Variants in ZNF248 observed in about 807,000 individuals in gnomAD.
ZNF248 encodes the protein KRAB protein domain.
A neutral mutation model predicts 44.3 loss-of-function variants in ZNF248; 20 were observed. That is an observed-to-expected ratio of 0.45 (90% CI 0.32 to 0.66). The LOEUF is 0.66. ZNF248 is among the 30% of genes least tolerant of loss of function. The pLI, the probability that ZNF248 is intolerant of heterozygous loss-of-function variation, is 0.04. For missense variants in ZNF248, 654 were observed against 677.0 expected, an observed-to-expected ratio of 0.97 and a Z score of 0.38; for synonymous variants, 224 against 229.0, an observed-to-expected ratio of 0.98 and a Z score of 0.20.
At chr10:37,801,000 G>C (rs1372335156) in intron 6 of ZNF248, among the ~76,000 whole-genome samples, 2 of 151,966 alleles carry the variant, frequency 1.3e-5, no homozygotes, top group East Asian at 2.0e-4. Flanking sequence ...AACCTCAGGT[G>C]ATCTGCCTGC....
intron 6 of ZNF248, among the ~76,000 whole-genome samples, chr10:37,797,408 G>A (rs904918911): frequency 6.6e-6 from 1 of 152,028 alleles, no homozygotes; most frequent in African/African-American, 2.4e-5. Flanking sequence ...TGGTTTCTTA[G>A]ATATGACACC....
At position 37,829,158 on chromosome 10, in the gene ZNF248, T is replaced by C. The variant is rs1238264501; in HGVS notation, c.*2457A>G. On this transcript the variant is annotated 3_prime_UTR_variant, in exon 6 of 6. Coordinates refer to ENST00000395867, the MANE Select transcript of ZNF248 (RefSeq NM_021045.3). ...TCTCCAAAGAGAGACACCAGCAATT[T>C]GGCACCACAGTTCTGGTAGTAATGA... is the stretch of plus-strand genomic sequence containing the variant. The C allele has an allele frequency of 1.0e-6, 1 of 985,350 alleles. No homozygotes were observed. Among genetic ancestry groups the C allele is most frequent in the African/African-American group, 1.7e-5 (1 of 57,246 alleles). The allele number at this position is 985,350 out of a possible 1,614,324, so 61.0% of individuals were successfully genotyped here.
the ZNF248 span, among the ~76,000 whole-genome samples, chr10:37,765,573 T>C: frequency 6.6e-6 from 1 of 152,218 alleles, no homozygotes; most frequent in Non-Finnish European, 1.5e-5. Context: ...TGTAACTGCA[T>C]AAAATACAAA....
At chr10:37,840,366 CA>C (rs2058114817) in intron 3 of ZNF248, among the ~76,000 whole-genome samples, 1 of 152,068 alleles carries the variant, frequency 6.6e-6, no homozygotes, top group Non-Finnish European at 1.5e-5. Context: ...GAAAAATAGG[CA>C]AAAGATCTGA....
chr10:37,758,789 C>T, the ZNF248 span, among the ~76,000 whole-genome samples: 6 of 152,148 alleles, frequency 3.9e-5, no homozygotes, highest in Non-Finnish European at 1.5e-5. Context: ...TTCATTCTTA[C>T]TTGATATTTC....
At chr10:37,775,012 C>A (rs2046468557), downstream of ZNF248, among the ~76,000 whole-genome samples, 1 of 152,050 alleles carries the variant, frequency 6.6e-6, no homozygotes, top group Non-Finnish European at 1.5e-5. Flanking sequence ...TCAAATGATC[C>A]ATCCACCTCA....
At chr10:37,785,708 C>T (rs1172483094) in intron 6 of ZNF248, among the ~76,000 whole-genome samples, 1 of 152,102 alleles carries the variant, frequency 6.6e-6, no homozygotes, top group East Asian at 1.9e-4. Flanking sequence ...CAGGAATGTC[C>T]CTGAAAGATG....
At chr10:37,801,545 A>G (rs2049836907) in intron 6 of ZNF248, among the ~76,000 whole-genome samples, 1 of 152,200 alleles carries the variant, frequency 6.6e-6, no homozygotes, top group African/African-American at 2.4e-5. Flanking sequence ...TATAATACAC[A>G]TAGAATTATT....
At chr10:37,841,096 G>A (rs2058260756) in intron 3 of ZNF248, among the ~76,000 whole-genome samples, 1 of 152,150 alleles carries the variant, frequency 6.6e-6, no homozygotes, top group Non-Finnish European at 1.5e-5. Flanking sequence ...TGTCATAGAT[G>A]AAAAGGCATA....
intron 6 of ZNF248, among the ~76,000 whole-genome samples, chr10:37,789,877 A>C (rs1370781782): frequency 6.6e-6 from 1 of 152,212 alleles, no homozygotes; most frequent in African/African-American, 2.4e-5. Flanking sequence ...TAGTTTACTA[A>C]GAACACCTGA....
intron 6 of ZNF248, among the ~76,000 whole-genome samples, chr10:37,792,088 T>C (rs971372811): frequency 1.3e-5 from 2 of 152,166 alleles, no homozygotes; most frequent in East Asian, 1.9e-4. Context: ...CAAAGTCTCA[T>C]GCCTGGGACC....
chr10:37,788,145 G>A (rs2048096014), intron 6 of ZNF248, among the ~76,000 whole-genome samples: 1 of 150,920 alleles, frequency 6.6e-6, no homozygotes, highest in Non-Finnish European at 1.5e-5. Context: ...GGTGCCTATA[G>A]TCCCAGCTAC....
At chr10:37,803,023 T>C (rs931454736) in intron 6 of ZNF248, 1 of 152,158 alleles carries the variant, frequency 6.6e-6, no homozygotes, top group Non-Finnish European at 1.5e-5. Context: ...CGGGTCTCAC[T>C]ATGTTGCCCA....
chr10:37,837,813 A>C (rs556324082), intron 4 of ZNF248, 101 bp from the exon 5 acceptor site: 1 of 1,374,142 alleles, frequency 7.3e-7, no homozygotes, highest in Admixed American at 2.1e-5. Flanking sequence ...CAGCTACTCA[A>C]AGAATGTGCA....
rs767754121 is a variant in ZNF248 at position 37,832,429 on chromosome 10, T to C, written c.926A>G (p.Asn309Ser). The C allele has an allele frequency of 1.2e-6, 2 of 1,613,918 alleles. No individual in the cohort carries two copies. The highest frequency in any genetic ancestry group is 1.7e-5 in the Admixed American group (1 of 59,962). ...TCCCTGATGGATAATGAAAGCTGAA[T>C]TGTCACAGAAGATTTCCCCATATTC... ...YNEYGEIFCD[N>S]SAFIIHQGAY... The change falls in exon 6 of 6, where the codon AAT becomes AGT. Residue 309 changes from asparagine to serine, a missense_variant. Asn to Ser is a conservative substitution (Grantham distance 46). Transcript: ENST00000395867.
At position 37,832,236 on chromosome 10, in the gene ZNF248, A is replaced by C; in HGVS notation, c.1119T>G (p.Ala373=). ...KKSHLTQLRR[A]HTGEKTFECG... is the part of the protein sequence containing the mutation. ...ATTCAAAGGTTTTTTCTCCTGTGTG[A>C]GCTCTCCGAAGCTGGGTAAGATGTG... Residue 373 remains alanine, a synonymous_variant, in exon 6 of 6, where the codon GCT becomes GCG. Transcript: ENST00000395867. 6.2e-7 allele frequency: 1 copy of C among 1,613,982 alleles called. No homozygotes were observed.
At position 37,830,074 on chromosome 10, in the gene ZNF248, T is replaced by C. The variant is rs1018627629; in HGVS notation, c.*1541A>G. The C allele has an allele frequency of 1.1e-5, 11 of 985,250 alleles. No homozygotes were observed. The African/African-American group carries it at 1.2e-4, about 11-fold the overall frequency. The allele number at this position is 985,250 out of a possible 1,614,324, so 61.0% of individuals were successfully genotyped here. On this transcript the variant is annotated 3_prime_UTR_variant, in exon 6 of 6. Transcript: ENST00000395867. ...AGGCAGAGATACTCTAAAATACTAA[T>C]ACGCAGAACTAGTGTTACATAGACC...
chr10:37,767,498 C>T, the ZNF248 span, among the ~76,000 whole-genome samples: 16 of 152,256 alleles, frequency 1.1e-4, no homozygotes, highest in South Asian at 2.1e-4. Flanking sequence ...GAATTTCCAA[C>T]CCAGAATTTC....
At chr10:37,856,381 C>A in intron 2 of ZNF248, 44 bp from the exon 3 acceptor site, 1 of 1,606,630 alleles carries the variant, frequency 6.2e-7, no homozygotes, top group Non-Finnish European at 8.5e-7. Context: ...CCTTCGCCGG[C>A]CTTGCAGTTC....
Sources: allele counts gnomAD v4.1 joint callset (sites outside exome capture counted in the v4.1 genomes callset), GRCh38; gene constraint gnomAD v4.1.1; transcripts MANE v1.5; gene names NCBI Gene and HGNC (gene_info 2026-07-23, HGNC 2026-07-21).